The following RNF150 variants were observed in gnomAD, a reference collection of about 807,000 sequenced individuals.
RNF150 encodes the protein ring finger protein 150.
RNF150 carries 24 observed loss-of-function variants against 39.3 expected under a neutral mutation model. The ratio of observed to expected loss-of-function variants is 0.61; its 90% CI spans 0.44 to 0.86. The LOEUF (loss-of-function observed/expected upper bound fraction) is 0.86, where lower values mean the gene tolerates loss of function less well. RNF150 is among the 40% of genes least tolerant of loss of function. The probability of loss-of-function intolerance (pLI) is 0.00; values close to 1 mark genes in which losing one functional copy is unlikely to be tolerated. For synonymous variants in RNF150, 255 were observed against 227.3 expected (o/e 1.12, Z -1.10); for missense variants, 502 against 587.8 (o/e 0.85, Z 1.51).
At chr4:141,002,543 G>C (rs755922351) in intron 1 of RNF150, among the ~76,000 whole-genome samples, 1 of 152,156 alleles carries the variant, frequency 6.6e-6, no homozygotes, top group Non-Finnish European at 1.5e-5. Flanking sequence ...TGCTCAATAT[G>C]CTTCGCAGCT....
At chr4:141,145,024 C>T (rs139381839) in intron 1 of RNF150, among the ~76,000 whole-genome samples, 101 of 152,212 alleles carry the variant, frequency 6.6e-4, no homozygotes, top group Middle Eastern at 3.4e-3. Flanking sequence ...ATTTCCCTGA[C>T]GTCTAGATTA....
intron 4 of RNF150, among the ~76,000 whole-genome samples, chr4:140,937,669 A>G (rs975547267): frequency 3.9e-5 from 6 of 151,914 alleles, no homozygotes; most frequent in African/African-American, 1.4e-4. Flanking sequence ...GTTTAAAAAC[A>G]TACAAATATT....
At chr4:140,896,120 T>A (rs1224495623) in intron 6 of RNF150, among the ~76,000 whole-genome samples, 1 of 95,528 alleles carries the variant, frequency 1.0e-5, no homozygotes, top group Non-Finnish European at 2.1e-5. Context: ...ATTGTGGAAG[T>A]CAGTGTGGCG....
At position 141,132,597 on chromosome 4, in the gene RNF150, T is replaced by C; in HGVS notation, c.212A>G (p.Lys71Arg). ...CTCTCCGTAGCGCCCGCACTCCGTC[T>C]TCTCCGTGTGCAGCTCCGCGCCGCC... is the stretch of plus-strand genomic sequence containing the variant. ...GGGGAELHTE[K>R]TECGRYGEHS... The change falls in exon 1 of 7, where the codon AAG becomes AGG. Residue 71 changes from lysine to arginine, a missense_variant. By Grantham distance (26) the Lys-to-Arg change is conservative. Coordinates refer to ENST00000515673, the MANE Select transcript of RNF150 (RefSeq NM_020724.2). The surrounding 1 kb of genome is among the most constrained non-coding windows in gnomAD (Gnocchi z 4.9). The C allele has an allele frequency of 5.1e-6, 8 of 1,565,378 alleles. No individual in the cohort carries two copies. Among genetic ancestry groups the C allele is most frequent in the Non-Finnish European group, 5.2e-6 (6 of 1,155,884 alleles).
At chr4:141,194,803 C>T (rs571101164) in intron 1 of RNF150, among the ~76,000 whole-genome samples, 8 of 152,240 alleles carry the variant, frequency 5.3e-5, no homozygotes, top group African/African-American at 1.9e-4. Context: ...ATTGCATAAA[C>T]ATGGAGCCAG....
chr4:140,892,626 T>A (rs893424858), intron 6 of RNF150, among the ~76,000 whole-genome samples: 10 of 152,254 alleles, frequency 6.6e-5, no homozygotes, highest in African/African-American at 2.4e-4. Context: ...TAACTCTGTC[T>A]CCAGAAAGTG....
intron 6 of RNF150, among the ~76,000 whole-genome samples, chr4:140,906,975 G>A (rs191441322): frequency 2.0e-4 from 31 of 152,310 alleles, no homozygotes; most frequent in Admixed American, 4.6e-4. Context: ...CCACCCCCGC[G>A]AGATGTGGAG....
intron 1 of RNF150, among the ~76,000 whole-genome samples, chr4:141,065,734 G>A (rs1364408992): frequency 1.3e-5 from 2 of 151,938 alleles, no homozygotes; most frequent in Non-Finnish European, 2.9e-5. Flanking sequence ...AACTGACCTT[G>A]ATGTCCTCAA....
chr4:141,010,721 C>T (rs958645702), intron 1 of RNF150, among the ~76,000 whole-genome samples: 1 of 152,124 alleles, frequency 6.6e-6, no homozygotes, highest in Non-Finnish European at 1.5e-5. Flanking sequence ...ACACCCGCCG[C>T]TAACAGCACC....
chr4:141,000,035 G>GAA (rs1560679132), intron 1 of RNF150, among the ~76,000 whole-genome samples: 1,184 of 49,290 alleles, frequency 0.024, 208 homozygotes, highest in Non-Finnish European at 0.041. Context: ...AGAAGAAGAA[G>GAA]AAGAAGAAGA....
At chr4:141,134,761 A>G (rs1161498976), upstream of RNF150, among the ~76,000 whole-genome samples, 1 of 152,196 alleles carries the variant, frequency 6.6e-6, no homozygotes, top group East Asian at 1.9e-4. Context: ...TATAGCGCTT[A>G]CTGCCAAGGA....
intron 1 of RNF150, among the ~76,000 whole-genome samples, chr4:141,039,641 A>G (rs188711673): frequency 2.6e-5 from 4 of 152,114 alleles, no homozygotes. Flanking sequence ...TTGATTCCCT[A>G]TTTTAAGATG....
At chr4:141,044,967 A>T (rs1292897788) in intron 1 of RNF150, among the ~76,000 whole-genome samples, 2 of 152,230 alleles carry the variant, frequency 1.3e-5, no homozygotes, top group Non-Finnish European at 2.9e-5. Context: ...ACCATGTGCC[A>T]AGGCATTGAG....
intron 1 of RNF150, among the ~76,000 whole-genome samples, chr4:141,109,586 A>T (rs1739321488): frequency 6.6e-6 from 1 of 152,066 alleles, no homozygotes; most frequent in African/African-American, 2.4e-5. Context: ...TCTTTAGAAA[A>T]GAGGTAAAAT....
At chr4:141,145,412 GA>G (rs1727182994) in intron 1 of RNF150, among the ~76,000 whole-genome samples, 1 of 152,138 alleles carries the variant, frequency 6.6e-6, no homozygotes, top group African/African-American at 2.4e-5. Context: ...CTGGAATAAA[GA>G]AATAACCTAT....
At chr4:140,926,745 AG>A (rs1731412317) in intron 4 of RNF150, among the ~76,000 whole-genome samples, 1 of 152,142 alleles carries the variant, frequency 6.6e-6, no homozygotes. Context: ...TGGCTACAGG[AG>A]GGCTTCCTAA....
At chr4:140,988,698 G>A (rs1376673601) in intron 1 of RNF150, among the ~76,000 whole-genome samples, 2 of 143,248 alleles carry the variant, frequency 1.4e-5, no homozygotes, top group African/African-American at 2.6e-5. Context: ...AAAGGCACAT[G>A]CACATGTATG....
chr4:141,031,874 T>C (rs956735713), intron 1 of RNF150, among the ~76,000 whole-genome samples: 8 of 151,956 alleles, frequency 5.3e-5, no homozygotes, highest in Admixed American at 5.2e-4. Context: ...GATCTAGCAA[T>C]CCCATTTGAT....
intron 1 of RNF150, among the ~76,000 whole-genome samples, chr4:141,189,697 G>C (rs1270943061): frequency 6.6e-6 from 1 of 152,142 alleles, no homozygotes; most frequent in Non-Finnish European, 1.5e-5. Context: ...CGTTTACACT[G>C]TGAGGGGAAA....
Sources: allele counts gnomAD v4.1 joint callset (sites outside exome capture counted in the v4.1 genomes callset), GRCh38; gene constraint gnomAD v4.1.1; non-coding constraint Gnocchi (gnomAD v3.1); transcripts MANE v1.5; gene names NCBI Gene and HGNC (gene_info 2026-07-23, HGNC 2026-07-21).